Variants in MTG1 observed in about 807,000 individuals in gnomAD.
The protein encoded by MTG1 is mitochondrial ribosome-associated GTPase 1.
A neutral mutation model predicts 39.5 loss-of-function variants in MTG1; 30 were observed. The observed-to-expected ratio is 0.76, with a 90% CI of 0.57 to 1.03. The LOEUF is 1.03. Ranked by LOEUF, MTG1 falls within the 50% of genes least tolerant of loss-of-function variation. The probability of loss-of-function intolerance (pLI) is 0.00; values close to 1 mark genes in which losing one functional copy is unlikely to be tolerated. For missense variants in MTG1, 513 were observed against 447.4 expected, an observed-to-expected ratio of 1.15 and a Z score of -1.32; for synonymous variants, 217 against 179.0, an observed-to-expected ratio of 1.21 and a Z score of -1.69.
At chr10:133,412,651 T>C (rs1850063805) in intron 9 of MTG1, among the ~76,000 whole-genome samples, 3 of 152,228 alleles carry the variant, frequency 2.0e-5, no homozygotes. Flanking sequence ...AAGCTTTTAG[T>C]CTCTTACCAT....
chr10:133,414,288 A>G (rs1258458768), intron 9 of MTG1, among the ~76,000 whole-genome samples: 7 of 151,576 alleles, frequency 4.6e-5, no homozygotes, highest in African/African-American at 1.2e-4. Flanking sequence ...AGTACAGAAC[A>G]AAATGAAAAG....
At chr10:133,405,893 G>A (rs1338578218) in intron 9 of MTG1, among the ~76,000 whole-genome samples, 1 of 152,162 alleles carries the variant, frequency 6.6e-6, no homozygotes, top group African/African-American at 2.4e-5. Flanking sequence ...TATTTGTAGT[G>A]TTTTGAAGAA....
chr10:133,409,070 T>C (rs943757640), intron 9 of MTG1, among the ~76,000 whole-genome samples: 4 of 151,920 alleles, frequency 2.6e-5, no homozygotes, highest in African/African-American at 4.8e-5. Flanking sequence ...GTTATTTCTC[T>C]TCTTCTACTA....
At chr10:133,399,112 CG>C in intron 4 of MTG1, 57 bp from the exon 5 acceptor site, 1 of 1,581,146 alleles carries the variant, frequency 6.3e-7, no homozygotes, top group African/African-American at 1.3e-5. Flanking sequence ...GCAGAAGGAG[CG>C]GGTCAGTGCA....
At chr10:133,408,036 T>A (rs1160111229) in intron 9 of MTG1, among the ~76,000 whole-genome samples, 1 of 152,240 alleles carries the variant, frequency 6.6e-6, no homozygotes, top group African/African-American at 2.4e-5. Context: ...GACTTCTTCC[T>A]CTCCAATTTG....
At chr10:133,415,813 T>G (rs1029820331) in intron 9 of MTG1, among the ~76,000 whole-genome samples, 1 of 152,196 alleles carries the variant, frequency 6.6e-6, no homozygotes, top group Non-Finnish European at 1.5e-5. Flanking sequence ...CCTCTACTCC[T>G]CAGGACCTCA....
In MTG1 at chr10:133,399,514, T is replaced by C. The variant is rs929756151; in HGVS notation, c.421-15T>C. On this transcript the variant is annotated splice_polypyrimidine_tract_variant and intron_variant, in intron 5 of 10. Coordinates refer to ENST00000317502, the MANE Select transcript of MTG1 (RefSeq NM_138384.4). Reference sequence around the variant, plus strand: ...GCCACGGTGGGCCCTGTGACCCCTCTCTCTGCCTGCGCAGAACCTGGAGTA... The same window carrying C: ...GCCACGGTGGGCCCTGTGACCCCTCCCTCTGCCTGCGCAGAACCTGGAGTA... 5 of 1,613,124 alleles carry C rather than the reference T, an allele frequency of 3.1e-6. No homozygotes were observed. Among genetic ancestry groups the C allele is most frequent in the Non-Finnish European group, 4.2e-6 (5 of 1,179,280 alleles).
chr10:133,421,978 C>T lies in MTG1; in HGVS notation c.*1813C>T, dbSNP rs1219644268. The T allele has an allele frequency of 6.6e-6, 1 of 152,390 alleles. No individual in the cohort carries two copies. The highest frequency in any genetic ancestry group is 1.5e-5 in the Non-Finnish European group (1 of 68,526). 9.4% of individuals were successfully genotyped at this position (152,390 alleles called of 1,614,324 possible). ...GCTAGAGAACGTGGCAGACCCAAGA[C>T]CTCTCAGTGCTGAGCCCATGGAGGA... On this transcript the variant is annotated 3_prime_UTR_variant, in exon 11 of 11. Coordinates refer to ENST00000317502, the MANE Select transcript of MTG1 (RefSeq NM_138384.4).
At position 133,399,612 on chromosome 10, in the gene MTG1, C is replaced by T. The variant is rs780043682; in HGVS notation, c.504C>T (p.Leu168=). ...SLINSLRRQH[L]RKGKATRVGG... ...TCAACTCCCTCCGGAGGCAGCACCT[C>T]AGGAAAGGTACTGGCGCGTGCGGCT... The change falls in exon 6 of 11, where the codon CTC becomes CTT. Residue 168 remains leucine (L), a synonymous_variant. Transcript: ENST00000317502. 4.3e-6 allele frequency: 7 copies of T among 1,613,602 alleles called. No homozygotes were observed. Among genetic ancestry groups the T allele is most frequent in the Non-Finnish European group, 4.2e-6 (5 of 1,179,886 alleles).
At chr10:133,417,613 G>A (rs1240858281) in intron 9 of MTG1, among the ~76,000 whole-genome samples, 2 of 151,822 alleles carry the variant, frequency 1.3e-5, no homozygotes, top group Non-Finnish European at 2.9e-5. Flanking sequence ...TGACATGATT[G>A]TATATCTAGA....
chr10:133,411,874 G>GT (rs921609476), intron 9 of MTG1, among the ~76,000 whole-genome samples: 44 of 150,798 alleles, frequency 2.9e-4, no homozygotes, highest in Non-Finnish European at 2.4e-4. Context: ...AGTTTGCTGA[G>GT]TTTTTTTTTA....
At position 133,420,371 on chromosome 10, in the gene MTG1, T is replaced by C. The variant is rs1351579889; in HGVS notation, c.*206T>C. On this transcript the variant is annotated 3_prime_UTR_variant, in exon 11 of 11. Coordinates refer to ENST00000317502, the MANE Select transcript of MTG1 (RefSeq NM_138384.4). ...TGGGAGTGGACACCAGGCTTCCCAG[T>C]GGACGTCCCTGAGCAGCTCCGCATG... 2 of 536,702 alleles carry C rather than the reference T, an allele frequency of 3.7e-6. No individual in the cohort carries two copies. The highest frequency in any genetic ancestry group is 3.2e-6 in the Non-Finnish European group (1 of 315,228). The allele number at this position is 536,702 out of a possible 1,614,324, so 33.2% of individuals were successfully genotyped here.
intron 10 of MTG1, 113 bp downstream of exon 10, chr10:133,419,705 G>C: frequency 2.3e-6 from 2 of 882,636 alleles, no homozygotes; most frequent in Non-Finnish European, 3.5e-6. Flanking sequence ...GCATGCGCCG[G>C]GTCTTCTGGG....
chr10:133,415,542 T>G (rs1054549607), intron 9 of MTG1, among the ~76,000 whole-genome samples: 1 of 152,250 alleles, frequency 6.6e-6, no homozygotes, highest in Non-Finnish European at 1.5e-5. Flanking sequence ...TTTGTTTTAG[T>G]GCTTGAGAGG....
chr10:133,409,370 T>C (rs1850012566), intron 9 of MTG1, among the ~76,000 whole-genome samples: 1 of 152,256 alleles, frequency 6.6e-6, no homozygotes, highest in South Asian at 2.1e-4. Flanking sequence ...TGTTACTGCT[T>C]TCTTGTTTTA....
intron 9 of MTG1, among the ~76,000 whole-genome samples, chr10:133,415,983 C>CG (rs541432761): frequency 0.08 from 8,019 of 100,176 alleles, 211 homozygotes; most frequent in African/African-American, 0.13. Context: ...AGGCGGGTGT[C>CG]GGCACGCGGG....
In MTG1 at chr10:133,394,439, T is replaced by C. The variant is rs1013219270; in HGVS notation, c.112+107T>C. On this transcript the variant is annotated intron_variant, in intron 1 of 10. Coordinates refer to ENST00000317502, the MANE Select transcript of MTG1 (RefSeq NM_138384.4). ...CCTGCTTCTCCCGGTCGTTCTGGGC[T>C]GGCCCCGCCCCTCCTCCCTTGTCTC... The C allele has an allele frequency of 1.3e-4, 167 of 1,315,636 alleles. 1 individual carries two copies. In the East Asian group the frequency reaches 5.1e-3, roughly 41 times the overall value. 81.5% of individuals were successfully genotyped at this position (1,315,636 alleles called of 1,614,324 possible). A position where few individuals can be genotyped will look rare whatever the true frequency, so the allele number is the denominator to read the frequency against.
At position 133,422,335 on chromosome 10, in the gene MTG1, T is replaced by C. The variant is rs1248610520; in HGVS notation, c.*2170T>C. ...TGCCTTCAGGGAAATGCGTGCACCG[T>C]GCAGCCTGTGCTGTGCCCAGGGAGG... On this transcript the variant is annotated 3_prime_UTR_variant, in exon 11 of 11. Transcript: ENST00000317502. The C allele has an allele frequency of 1.3e-5, 2 of 152,388 alleles. No homozygotes were observed. The highest frequency in any genetic ancestry group is 2.9e-5 in the Non-Finnish European group (2 of 68,174). 9.4% of individuals were successfully genotyped at this position (152,388 alleles called of 1,614,324 possible). A position where few individuals can be genotyped will look rare whatever the true frequency, so the allele number is the denominator to read the frequency against.
At chr10:133,404,854 C>G (rs189299802) in intron 9 of MTG1, among the ~76,000 whole-genome samples, 3 of 152,152 alleles carry the variant, frequency 2.0e-5, no homozygotes, top group Admixed American at 2.0e-4. Context: ...TGTCCATATA[C>G]GTGGGTCTGT....
Sources: allele counts gnomAD v4.1 joint callset (sites outside exome capture counted in the v4.1 genomes callset), GRCh38; gene constraint gnomAD v4.1.1; transcripts MANE v1.5; gene names NCBI Gene and HGNC (gene_info 2026-07-23, HGNC 2026-07-21).